The following LRBA variants were observed in gnomAD, a reference collection of about 807,000 sequenced individuals.
The protein encoded by LRBA is lipopolysaccharide-responsive and beige-like anchor protein.
In LRBA, 176 loss-of-function variants were observed where a neutral mutation model predicts 330.0. The observed-to-expected ratio is 0.53, with a 90% CI of 0.47 to 0.60. The LOEUF (loss-of-function observed/expected upper bound fraction) is 0.60. LRBA is among the 20% of genes least tolerant of loss of function. LRBA has a pLI of 0.00. For missense variants in LRBA, 3,259 were observed against 3,444.8 expected (o/e 0.95, Z 1.35); for synonymous variants, 1,230 against 1,193.0 (o/e 1.03, Z -0.64).
chr4:150,578,283 C>G (rs906946408), intron 40 of LRBA, among the ~76,000 whole-genome samples: 1 of 152,150 alleles, frequency 6.6e-6, no homozygotes, highest in Admixed American at 6.5e-5. Flanking sequence ...ACCCATTATT[C>G]TTCAATTAGA....
chr4:150,610,589 CAA>C (rs1775151631), intron 37 of LRBA, among the ~76,000 whole-genome samples: 1 of 151,686 alleles, frequency 6.6e-6, no homozygotes, highest in East Asian at 1.9e-4. Context: ...ACTCCCATCA[CAA>C]AAAAACAAAC....
At chr4:150,269,426 T>C (rs1278814428) in intron 56 of LRBA, among the ~76,000 whole-genome samples, 4 of 152,180 alleles carry the variant, frequency 2.6e-5, no homozygotes, top group Admixed American at 6.5e-5. Flanking sequence ...AAATAGGATG[T>C]CCACATGCAA....
At chr4:150,408,919 A>G (rs1481229997) in intron 47 of LRBA, among the ~76,000 whole-genome samples, 1 of 152,048 alleles carries the variant, frequency 6.6e-6, no homozygotes, top group African/African-American at 2.4e-5. Context: ...GTGGCATAAA[A>G]TAAGGTTCCA....
At chr4:150,843,719 C>T (rs1749435487) in intron 28 of LRBA, among the ~76,000 whole-genome samples, 2 of 152,112 alleles carry the variant, frequency 1.3e-5, no homozygotes, top group Non-Finnish European at 2.9e-5. Flanking sequence ...CTGATTTTAT[C>T]ATTGTTTATC....
chr4:150,511,383 G>T (rs1373762453), intron 40 of LRBA, among the ~76,000 whole-genome samples: 2 of 151,904 alleles, frequency 1.3e-5, no homozygotes, highest in African/African-American at 2.4e-5. Flanking sequence ...AGTCATATAG[G>T]GTAAAACCTA....
At chr4:150,713,214 G>C (rs1261523633) in intron 36 of LRBA, among the ~76,000 whole-genome samples, 3 of 152,110 alleles carry the variant, frequency 2.0e-5, no homozygotes, top group Non-Finnish European at 4.4e-5. Flanking sequence ...AGGATTATAG[G>C]CATGAGCCAC....
intron 40 of LRBA, among the ~76,000 whole-genome samples, chr4:150,545,096 G>A (rs1765715547): frequency 6.6e-6 from 1 of 152,022 alleles, no homozygotes; most frequent in Non-Finnish European, 1.5e-5. Context: ...AAAGAGCTGG[G>A]ATCTATTAAT....
chr4:150,640,314 T>C (rs963779204), intron 37 of LRBA, among the ~76,000 whole-genome samples: 1 of 152,112 alleles, frequency 6.6e-6, no homozygotes, highest in Non-Finnish European at 1.5e-5. Context: ...TCATACATCA[T>C]ACCTCTATCA....
At chr4:150,336,024 T>G (rs1407841427) in intron 48 of LRBA, among the ~76,000 whole-genome samples, 1 of 152,202 alleles carries the variant, frequency 6.6e-6, no homozygotes, top group Non-Finnish European at 1.5e-5. Flanking sequence ...TTTATGAAGT[T>G]TAATTTATCC....
intron 47 of LRBA, among the ~76,000 whole-genome samples, chr4:150,371,408 G>T (rs1366455537): frequency 1.3e-4 from 20 of 151,854 alleles, no homozygotes; most frequent in Admixed American, 1.2e-3. Context: ...GGCCAGGCTG[G>T]TCTCAAACTC....
At chr4:150,639,142 G>T (rs1283598169) in intron 37 of LRBA, among the ~76,000 whole-genome samples, 1 of 145,658 alleles carries the variant, frequency 6.9e-6, no homozygotes, top group African/African-American at 2.5e-5. Flanking sequence ...TCATAGGTGG[G>T]AATTGAACGA....
At chr4:150,345,931 C>T (rs1479671744) in intron 48 of LRBA, among the ~76,000 whole-genome samples, 4 of 152,012 alleles carry the variant, frequency 2.6e-5, no homozygotes, top group African/African-American at 9.7e-5. Context: ...TCCCACAGCA[C>T]CCAATAGCTG....
intron 47 of LRBA, among the ~76,000 whole-genome samples, chr4:150,394,817 T>C (rs915110272): frequency 2.6e-5 from 4 of 152,168 alleles, no homozygotes; most frequent in African/African-American, 9.7e-5. Context: ...GTAGTAGAGG[T>C]GTCATGGTGA....
chr4:150,325,730 G>A, intron 49 of LRBA, 79 bp downstream of exon 49: 2 of 989,090 alleles, frequency 2.0e-6, no homozygotes, highest in Non-Finnish European at 3.2e-6. Context: ...AGAAACTCAA[G>A]CACAATGAAA....
chr4:150,911,645 C>G (rs1360634204), intron 9 of LRBA, among the ~76,000 whole-genome samples: 1 of 152,238 alleles, frequency 6.6e-6, no homozygotes, highest in Middle Eastern at 3.4e-3. Context: ...GGATATTAGT[C>G]TATAGTTTTC....
chr4:150,316,431 A>G (rs1415064489), intron 50 of LRBA, among the ~76,000 whole-genome samples: 1 of 152,174 alleles, frequency 6.6e-6, no homozygotes, highest in African/African-American at 2.4e-5. Flanking sequence ...GAGAGGAAGT[A>G]TATCAGGAAT....
intron 40 of LRBA, among the ~76,000 whole-genome samples, chr4:150,577,749 T>C (rs766508758): frequency 6.6e-6 from 1 of 152,184 alleles, no homozygotes; most frequent in Non-Finnish European, 1.5e-5. Flanking sequence ...ACCTTTTAAG[T>C]CTCGTTAACA....
intron 34 of LRBA, among the ~76,000 whole-genome samples, chr4:150,777,127 C>G (rs563873693): frequency 6.6e-6 from 1 of 151,450 alleles, no homozygotes; most frequent in Non-Finnish European, 1.5e-5. Flanking sequence ...CAGGGTCTCA[C>G]TCTCTCGCCC....
chr4:150,483,688 T>C (rs934049759), intron 42 of LRBA, among the ~76,000 whole-genome samples: 1 of 151,956 alleles, frequency 6.6e-6, no homozygotes, highest in Non-Finnish European at 1.5e-5. Context: ...TGCTCAGATT[T>C]TGGATAGAGC....
Sources: allele counts gnomAD v4.1 joint callset (sites outside exome capture counted in the v4.1 genomes callset), GRCh38; gene constraint gnomAD v4.1.1; transcripts MANE v1.5; gene names NCBI Gene and HGNC (gene_info 2026-07-23, HGNC 2026-07-21).